Variants in IPO11 observed in about 807,000 individuals in gnomAD.
IPO11 encodes importin-11.
IPO11 carries 66 observed loss-of-function variants against 143.2 expected under a neutral mutation model. The ratio of observed to expected loss-of-function variants is 0.46; its 90% confidence interval spans 0.38 to 0.57. The LOEUF (loss-of-function observed/expected upper bound fraction) is 0.57. IPO11 is among the 20% of genes least tolerant of loss of function. The pLI is 0.00. For missense variants in IPO11, 1,026 were observed against 1,141.0 expected, an observed-to-expected ratio of 0.90 and a Z score of 1.45; for synonymous variants, 385 against 377.8, an observed-to-expected ratio of 1.02 and a Z score of -0.22.
At chr5:62,564,253 A>ATT (rs954850990) in intron 27 of IPO11, among the ~76,000 whole-genome samples, 7 of 151,882 alleles carry the variant, frequency 4.6e-5, no homozygotes, top group African/African-American at 1.7e-4. Context: ...ACTTAGGAAG[A>ATT]TTTATAGTCA....
At chr5:62,483,909 C>T in intron 10 of IPO11, 101 bp from the exon 11 acceptor site, 1 of 991,620 alleles carries the variant, frequency 1.0e-6, no homozygotes, top group Non-Finnish European at 1.5e-6. Flanking sequence ...ACAAGTGTAT[C>T]TTCTTCCCTG....
chr5:62,473,107 A>G (rs1474246238), intron 7 of IPO11, among the ~76,000 whole-genome samples: 1 of 152,204 alleles, frequency 6.6e-6, no homozygotes, highest in African/African-American at 2.4e-5. Flanking sequence ...ATTGTCAACT[A>G]TGCTTTAAAA....
chr5:62,446,439 A>T (rs1744724797), intron 3 of IPO11, among the ~76,000 whole-genome samples: 1 of 152,202 alleles, frequency 6.6e-6, no homozygotes, highest in African/African-American at 2.4e-5. Context: ...TTTGCTCTGC[A>T]TTCTTATCAG....
intron 29 of IPO11, among the ~76,000 whole-genome samples, chr5:62,624,544 T>G (rs1331551886): frequency 6.6e-6 from 1 of 152,172 alleles, no homozygotes; most frequent in African/African-American, 2.4e-5. Flanking sequence ...TTAGCCAGCT[T>G]CTTTACCGCA....
At position 62,543,993 on chromosome 5, in the gene IPO11, GT is replaced by G. The variant is rs1743055693; in HGVS notation, c.2251-6370del. Among the ~76,000 whole-genome samples the G allele has an allele frequency of 2.6e-5, 4 of 152,156 alleles. No homozygotes were observed. The East Asian group carries it at 7.7e-4, about 29-fold the overall frequency. Reference sequence around the variant, plus strand: ...TGTTCAGTTTCCATGTAGTTGAGCGGTTTTGAGTGAGTGAGTTTCTTAATCC... The same window carrying G: ...TGTTCAGTTTCCATGTAGTTGAGCGGTTTGAGTGAGTGAGTTTCTTAATCC... On this transcript the variant is annotated intron_variant, in intron 24 of 29. Coordinates refer to ENST00000325324, the MANE Select transcript of IPO11 (RefSeq NM_016338.5).
intron 29 of IPO11, among the ~76,000 whole-genome samples, chr5:62,610,384 A>G (rs1745884621): frequency 6.6e-6 from 1 of 152,314 alleles, no homozygotes; most frequent in African/African-American, 2.4e-5. Flanking sequence ...AGTTTGAAAG[A>G]TAGTGAATAT....
intron 16 of IPO11, among the ~76,000 whole-genome samples, chr5:62,502,358 TC>T (rs1173060000): frequency 2.6e-5 from 4 of 152,176 alleles, no homozygotes; most frequent in East Asian, 3.8e-4. Context: ...TTTGATGTTG[TC>T]CCCCCATTGC....
chr5:62,541,448 G>A (rs1742935503), intron 24 of IPO11, among the ~76,000 whole-genome samples: 1 of 152,162 alleles, frequency 6.6e-6, no homozygotes, highest in South Asian at 2.1e-4. Flanking sequence ...GGGAGGCTGA[G>A]GCAGGCGGAT....
intron 3 of IPO11, among the ~76,000 whole-genome samples, chr5:62,444,504 A>G (rs1744639994): frequency 6.6e-6 from 1 of 152,118 alleles, no homozygotes; most frequent in Admixed American, 6.6e-5. Flanking sequence ...GCACTTTTCT[A>G]CTGCTTTGTC....
At chr5:62,489,240 A>T in intron 13 of IPO11, 62 bp from the exon 14 acceptor site, 1 of 966,672 alleles carries the variant, frequency 1.0e-6, no homozygotes, top group Non-Finnish European at 1.5e-6. Context: ...TTAAATATAA[A>T]TTTTTTAAAA....
In IPO11 at chr5:62,567,498, T is replaced by TTA. The variant is rs1561365961; in HGVS notation, c.2582+6242_2582+6243insAT. Among the ~76,000 whole-genome samples the TTA allele has an allele frequency of 6.1e-4, 89 of 146,238 alleles. 1 individual carries two copies. The highest frequency in any genetic ancestry group is 1.1e-3 in the Admixed American group (17 of 14,802). Reference sequence around the variant, plus strand: ...TATTATTATTATTATTATTATTATTTTTTTTACTATTTCTACCCTTTTTTC... The same window carrying TTA: ...TATTATTATTATTATTATTATTATTTTATTTTTACTATTTCTACCCTTTTTTC... On this transcript the variant is annotated intron_variant, in intron 27 of 29. Coordinates refer to ENST00000325324, the MANE Select transcript of IPO11 (RefSeq NM_016338.5).
intron 28 of IPO11, among the ~76,000 whole-genome samples, chr5:62,597,703 G>A (rs946118945): frequency 6.6e-6 from 1 of 152,204 alleles, no homozygotes; most frequent in African/African-American, 2.4e-5. Context: ...TAGGCTAAAT[G>A]TAATTTAACA....
rs1434934623 is a variant in IPO11 at position 62,461,648 on chromosome 5, G to GT, written c.517-5478dup. ...TGATGTCCTTGACTATTAGGTTTTT[G>GT]TTTTTAAATTTCCATACTATTGTTT... On this transcript the variant is annotated intron_variant, in intron 5 of 29. Coordinates refer to ENST00000325324, the MANE Select transcript of IPO11 (RefSeq NM_016338.5). 4.6e-5 allele frequency among the ~76,000 whole-genome samples: 7 copies of GT among 152,220 alleles called. No individual in the cohort carries two copies. In the East Asian group the frequency reaches 1.3e-3, roughly 29 times the overall value.
chr5:62,511,533 ATATT>A (rs1741747520), intron 19 of IPO11, among the ~76,000 whole-genome samples: 1 of 152,144 alleles, frequency 6.6e-6, no homozygotes, highest in Non-Finnish European at 1.5e-5. Flanking sequence ...ATTTGTGCAA[ATATT>A]TAACTTCTTA....
intron 24 of IPO11, among the ~76,000 whole-genome samples, chr5:62,538,697 A>C (rs1209830966): frequency 4.6e-5 from 7 of 152,208 alleles, no homozygotes; most frequent in Non-Finnish European, 8.8e-5. Flanking sequence ...TTATAGCAGT[A>C]TGAAAATTGA....
chr5:62,602,674 A>C (rs2112450671), intron 29 of IPO11, among the ~76,000 whole-genome samples: 1 of 152,326 alleles, frequency 6.6e-6, no homozygotes, highest in Non-Finnish European at 1.5e-5. Flanking sequence ...TCAAGGGCCT[A>C]ATCCTTAGCT....
At chr5:62,464,882 C>T (rs1745513881) in intron 5 of IPO11, among the ~76,000 whole-genome samples, 1 of 152,134 alleles carries the variant, frequency 6.6e-6, no homozygotes, top group Admixed American at 6.5e-5. Flanking sequence ...TTAATGTTAA[C>T]AGGTAGTTTT....
chr5:62,470,816 C>CTTTTTTTTTTTATTTTTTTTTT (rs1745742480), intron 7 of IPO11, among the ~76,000 whole-genome samples: 1 of 62,536 alleles, frequency 1.6e-5, no homozygotes, highest in Non-Finnish European at 2.7e-5. Context: ...TAGCCATCTT[C>CTTTTTTTTTTTATTTTTTTTTT]TTTTTTTTTT....
At chr5:62,526,479 C>T (rs1742374152) in intron 21 of IPO11, 2 of 342,898 alleles carry the variant, frequency 5.8e-6, no homozygotes, top group African/African-American at 4.3e-5. Context: ...AACTCAGCTG[C>T]ATTTCATCTT....
Sources: allele counts gnomAD v4.1 joint callset (sites outside exome capture counted in the v4.1 genomes callset), GRCh38; gene constraint gnomAD v4.1.1; transcripts MANE v1.5; gene names NCBI Gene and HGNC (gene_info 2026-07-23, HGNC 2026-07-21).